The following NSUN2 variants were observed in gnomAD, a reference collection of about 807,000 sequenced individuals.
NSUN2 encodes NOP2/Sun RNA methyltransferase 2.
A neutral mutation model predicts 92.7 loss-of-function variants in NSUN2; 63 were observed. The observed-to-expected ratio is 0.68, with a 90% CI of 0.56 to 0.84. NSUN2 has a LOEUF of 0.84. Among genes scored for constraint, NSUN2 ranks in the 40% least tolerant of loss-of-function variants. The pLI is 0.00. For missense variants in NSUN2, 989 were observed against 964.9 expected, an observed-to-expected ratio of 1.02 and a Z score of -0.33; for synonymous variants, 356 against 348.3, an observed-to-expected ratio of 1.02 and a Z score of -0.25.
At position 6,607,393 on chromosome 5, in the gene NSUN2, A is replaced by G. The variant is rs763932518; in HGVS notation, c.1324-9T>C. On this transcript the variant is annotated splice_polypyrimidine_tract_variant and intron_variant, in intron 12 of 18. Transcript: ENST00000264670. ...GCAGATTTACCCTGAAGCTGTCATA[A>G]AGAACAATTTCATTGACACACAAAG... The G allele has an allele frequency of 1.2e-6, 2 of 1,602,722 alleles. No individual in the cohort carries two copies. The highest frequency in any genetic ancestry group is 2.2e-5 in the South Asian group (2 of 89,600).
At chr5:6,611,661 C>T (rs1736997839) in intron 10 of NSUN2, 64 bp downstream of exon 10, 13 of 1,374,602 alleles carry the variant, frequency 9.5e-6, no homozygotes, top group Non-Finnish European at 1.2e-5. Flanking sequence ...TGCTTTGAAA[C>T]TTGACTCTAC....
chr5:6,618,238 A>C (rs772755469), intron 7 of NSUN2, among the ~76,000 whole-genome samples: 14 of 152,254 alleles, frequency 9.2e-5, no homozygotes, highest in Non-Finnish European at 1.3e-4. Context: ...ATTTTCAAGC[A>C]GAAAATAATG....
At chr5:6,607,406 T>C (rs1483621040) in intron 12 of NSUN2, 22 bp from the exon 13 acceptor site, 5 of 1,593,248 alleles carry the variant, frequency 3.1e-6, no homozygotes, top group South Asian at 1.1e-5. Flanking sequence ...AACAATTTCA[T>C]TGACACACAA....
chr5:6,604,244 TGA>T lies in NSUN2; in HGVS notation c.1849_1850del (p.Ser617LysfsTer11). ...GIYTLYPFIN[S>X]RIITVSMEDV... ...CTTCCATTGATACAGTAATAATTCT[TGA>T]GTTAATAAATGGATACAATGTATAT... On this transcript the variant is annotated frameshift_variant, in exon 17 of 19. Coordinates refer to ENST00000264670, the MANE Select transcript of NSUN2 (RefSeq NM_017755.6). LOFTEE classifies it high-confidence loss of function. 6.2e-7 allele frequency: 1 copy of T among 1,602,724 alleles called. No individual in the cohort carries two copies. Among genetic ancestry groups the T allele is most frequent in the Admixed American group, 1.7e-5 (1 of 59,898 alleles).
chr5:6,620,088 GGCCAATAAGATAAATACCTGC>G lies in NSUN2; in HGVS notation c.812_815+17del. ...TTTCTTTAGTGGATTTGGGCTTTTT[GGCCAATAAGATAAATACCTGC>G]AAGGGACATCACATAAAATTCGATC... On this transcript the variant is annotated splice_donor_variant and splice_donor_5th_base_variant and coding_sequence_variant and intron_variant, in exon 7 of 19. Coordinates refer to ENST00000264670, the MANE Select transcript of NSUN2 (RefSeq NM_017755.6). LOFTEE classifies it high-confidence loss of function. 1 of 1,528,636 alleles carries G rather than the reference GGCCAATAAGATAAATACCTGC, an allele frequency of 6.5e-7. No individual in the cohort carries two copies. The highest frequency in any genetic ancestry group is 8.8e-7 in the Non-Finnish European group (1 of 1,136,926). The allele number at this position is 1,528,636 out of a possible 1,614,324, so 94.7% of individuals were successfully genotyped here. A position where few individuals can be genotyped will look rare whatever the true frequency, so the allele number is the denominator to read the frequency against.
intron 11 of NSUN2, 137 bp from the exon 12 acceptor site, chr5:6,610,059 A>C: frequency 1.8e-6 from 1 of 564,438 alleles, no homozygotes; most frequent in Non-Finnish European, 2.9e-6. Context: ...CAATATGTAA[A>C]CTTAAATTTT....
chr5:6,629,722 T>G (rs562817265), intron 3 of NSUN2, among the ~76,000 whole-genome samples: 50 of 152,294 alleles, frequency 3.3e-4, no homozygotes, highest in Middle Eastern at 6.8e-3. Context: ...ATTCCCCACG[T>G]GTCAAGGGCA....
At chr5:6,627,636 A>C (rs1737702557) in intron 3 of NSUN2, among the ~76,000 whole-genome samples, 1 of 152,232 alleles carries the variant, frequency 6.6e-6, no homozygotes, top group Non-Finnish European at 1.5e-5. Context: ...TCATGTAAAG[A>C]AACATTTAGG....
At chr5:6,621,761 A>AT in intron 6 of NSUN2, 1 of 379,318 alleles carries the variant, frequency 2.6e-6, no homozygotes, top group Non-Finnish European at 4.8e-6. Context: ...AAAAAAAAAA[A>AT]GAAATGCCAT....
At position 6,605,400 on chromosome 5, in the gene NSUN2, TAAA is replaced by T. The variant is rs758751723; in HGVS notation, c.1607_1609del (p.Phe536del). The T allele has an allele frequency of 1.9e-6, 3 of 1,613,866 alleles. No individual in the cohort carries two copies. Among genetic ancestry groups the T allele is most frequent in the Non-Finnish European group, 2.5e-6 (3 of 1,179,970 alleles). On this transcript the variant is annotated inframe_deletion, in exon 15 of 19. Transcript: ENST00000264670. ...CCTTGGGAATGAAGGATCCAAAGCA[TAAA>T]ATTTCCTGTACATAACAACATTGTT...
At chr5:6,621,823 T>C (rs1737459298) in intron 6 of NSUN2, 193 bp downstream of exon 6, 2 of 545,010 alleles carry the variant, frequency 3.7e-6, no homozygotes, top group Admixed American at 3.3e-5. Context: ...CCCCATGGTA[T>C]GAGTGTGTTT....
At chr5:6,623,384 C>T (rs1737539381) in intron 4 of NSUN2, 99 bp from the exon 5 acceptor site, 1 of 979,366 alleles carries the variant, frequency 1.0e-6, no homozygotes, top group East Asian at 2.6e-5. Flanking sequence ...AGGAAAACAG[C>T]ACATAATCTT....
Position 6,610,935 on chromosome 5 carries a change from T to C in NSUN2, c.1226+20A>G. Reference sequence around the variant, plus strand: ...CTTAACCTTCCCCCCTCCCCACACCTGGAGGCCCCACCAGCTCACCATCGC... The same window carrying C: ...CTTAACCTTCCCCCCTCCCCACACCCGGAGGCCCCACCAGCTCACCATCGC... On this transcript the variant is annotated intron_variant, in intron 11 of 18. Coordinates refer to ENST00000264670, the MANE Select transcript of NSUN2 (RefSeq NM_017755.6). 1 of 1,613,482 alleles carries C rather than the reference T, an allele frequency of 6.2e-7. No individual in the cohort carries two copies.
chr5:6,625,724 T>A, intron 3 of NSUN2, 55 bp from the exon 4 acceptor site: 1 of 1,291,726 alleles, frequency 7.7e-7, no homozygotes, highest in Non-Finnish European at 1.1e-6. Context: ...AGTCGTCTGT[T>A]GACAACTTTG....
intron 3 of NSUN2, among the ~76,000 whole-genome samples, chr5:6,626,569 G>A (rs1244954667): frequency 1.3e-5 from 2 of 152,088 alleles, no homozygotes; most frequent in African/African-American, 2.4e-5. Flanking sequence ...GCTTGGTCTC[G>A]AACTCCTGGC....
At chr5:6,600,428 G>T (rs577398536) in intron 18 of NSUN2, among the ~76,000 whole-genome samples, 196 bp from the exon 19 acceptor site, 1 of 152,314 alleles carries the variant, frequency 6.6e-6, no homozygotes, top group South Asian at 2.1e-4. Flanking sequence ...CATGTCCTGA[G>T]TAAAATTCTC....
intron 7 of NSUN2, 34 bp downstream of exon 7, chr5:6,620,072 T>C (rs764866439): frequency 4.0e-6 from 6 of 1,493,126 alleles, no homozygotes; most frequent in Non-Finnish European, 5.4e-6. Context: ...ATTTCTTTAG[T>C]GGATTTGGGC....
At chr5:6,619,602 A>T (rs920221699) in intron 7 of NSUN2, among the ~76,000 whole-genome samples, 1 of 152,252 alleles carries the variant, frequency 6.6e-6, no homozygotes, top group Non-Finnish European at 1.5e-5. Context: ...TATCTCAAGA[A>T]AGGTATAAAA....
In NSUN2 at chr5:6,611,190, T is replaced by C; in HGVS notation, c.1096-105A>G. The C allele has an allele frequency of 1.6e-6, 2 of 1,259,048 alleles. 1 individual carries two copies. Among genetic ancestry groups the C allele is most frequent in the South Asian group, 3.0e-5 (2 of 66,090 alleles). 78.0% of individuals were successfully genotyped at this position (1,259,048 alleles called of 1,614,324 possible). A position where few individuals can be genotyped will look rare whatever the true frequency, so the allele number is the denominator to read the frequency against. ...TCTCAAAGGTGACAAATGGTGATTCTCATTCACTCCAAAGATAGGAAGATT... is the reference window on the plus strand; with the variant it reads ...TCTCAAAGGTGACAAATGGTGATTCCCATTCACTCCAAAGATAGGAAGATT... On this transcript the variant is annotated intron_variant, in intron 10 of 18. Coordinates refer to ENST00000264670, the MANE Select transcript of NSUN2 (RefSeq NM_017755.6).
Sources: gnomAD v4.1 joint callset for allele counts (sites outside exome capture counted in the v4.1 genomes callset) on GRCh38, gnomAD v4.1.1 for gene constraint, MANE v1.5 for transcripts, NCBI Gene and HGNC (gene_info 2026-07-23, HGNC 2026-07-21) for gene names.